PACRG: variants seen among roughly 807,000 people sequenced by gnomAD.
PACRG encodes parkin coregulated.
PACRG carries 29 observed loss-of-function variants against 29.7 expected under a neutral mutation model. The ratio of observed to expected loss-of-function variants is 0.98; its 90% CI spans 0.73 to 1.33. The LOEUF is 1.33. PACRG is among the 40% of genes most tolerant of loss of function. PACRG has a pLI of 0.00. For synonymous variants in PACRG, 116 were observed against 118.7 expected, an observed-to-expected ratio of 0.98 and a Z score of 0.15; for missense variants, 279 against 316.2, an observed-to-expected ratio of 0.88 and a Z score of 0.89.
At chr6:162,875,122 TAGTC>T (rs370758293) in intron 2 of PACRG, among the ~76,000 whole-genome samples, 5 of 151,996 alleles carry the variant, frequency 3.3e-5, no homozygotes, top group African/African-American at 1.2e-4. Flanking sequence ...CACACATACA[TAGTC>T]ATGCACATTC....
At chr6:162,975,893 T>G (rs1801913020) in intron 2 of PACRG, among the ~76,000 whole-genome samples, 1 of 151,948 alleles carries the variant, frequency 6.6e-6, no homozygotes, top group Non-Finnish European at 1.5e-5. Context: ...TACCGAGTAC[T>G]GCACTGTAAA....
chr6:163,207,788 C>T (rs1780967390), intron 4 of PACRG, among the ~76,000 whole-genome samples: 1 of 152,134 alleles, frequency 6.6e-6, no homozygotes, highest in Non-Finnish European at 1.5e-5. Context: ...ATAAGTGTCT[C>T]TTATAATGAA....
At chr6:163,166,279 A>G in intron 4 of PACRG, 1 of 424,168 alleles carries the variant, frequency 2.4e-6, no homozygotes, top group South Asian at 1.6e-5. Context: ...AACAACAACA[A>G]CAAAAAAATG....
chr6:163,054,479 A>G (rs1044388236), intron 2 of PACRG, among the ~76,000 whole-genome samples: 8 of 152,144 alleles, frequency 5.3e-5, no homozygotes, highest in Admixed American at 2.0e-4. Flanking sequence ...TGTCCATGGT[A>G]TTTTGTTAAG....
At chr6:162,934,577 A>G (rs1040996359) in intron 2 of PACRG, among the ~76,000 whole-genome samples, 2 of 152,064 alleles carry the variant, frequency 1.3e-5, no homozygotes, top group Non-Finnish European at 2.9e-5. Flanking sequence ...TTAGGTGGGG[A>G]ATTTAAACCC....
At chr6:162,920,145 A>G (rs1409187045) in intron 2 of PACRG, among the ~76,000 whole-genome samples, 1 of 147,860 alleles carries the variant, frequency 6.8e-6, no homozygotes, top group African/African-American at 2.6e-5. Flanking sequence ...AGCTAATGGG[A>G]GGAGGAAAGG....
intron 2 of PACRG, among the ~76,000 whole-genome samples, chr6:162,948,988 A>G (rs1054307385): frequency 1.3e-5 from 2 of 152,190 alleles, no homozygotes; most frequent in Non-Finnish European, 2.9e-5. Context: ...ATGATATGGC[A>G]ATTTTACTAC....
intron 4 of PACRG, among the ~76,000 whole-genome samples, chr6:163,108,943 A>G (rs1338978690): frequency 1.3e-5 from 2 of 152,224 alleles, no homozygotes; most frequent in Non-Finnish European, 2.9e-5. Flanking sequence ...ACAAAAGCCC[A>G]TAAAGTCGCT....
At chr6:162,908,620 C>G (rs1382426117) in intron 2 of PACRG, among the ~76,000 whole-genome samples, 1 of 152,246 alleles carries the variant, frequency 6.6e-6, no homozygotes, top group East Asian at 1.9e-4. Context: ...GGTTCTGTAA[C>G]CACAGTAGAG....
At chr6:162,786,381 T>G (rs553338691) in intron 1 of PACRG, among the ~76,000 whole-genome samples, 220 of 152,354 alleles carry the variant, frequency 1.4e-3, no homozygotes, top group African/African-American at 4.9e-3. Context: ...AATACACAGC[T>G]AGACTACATT....
intron 4 of PACRG, among the ~76,000 whole-genome samples, chr6:163,240,881 C>G (rs926301264): frequency 1.3e-5 from 2 of 152,200 alleles, no homozygotes; most frequent in African/African-American, 2.4e-5. Context: ...CCTCCTCGCC[C>G]GTAGCAAGGG....
chr6:163,244,606 C>T (rs962383469), intron 4 of PACRG, among the ~76,000 whole-genome samples: 2 of 152,154 alleles, frequency 1.3e-5, no homozygotes, highest in Admixed American at 6.5e-5. Flanking sequence ...TGAACTCAAG[C>T]CCCGGAGATC....
At position 163,139,907 on chromosome 6, in the gene PACRG, C is replaced by T. The variant is rs183477306; in HGVS notation, c.613+50499C>T. On this transcript the variant is annotated intron_variant, in intron 4 of 4. Coordinates refer to ENST00000366888, the MANE Select transcript of PACRG (RefSeq NM_001080379.2). ...TCAACTGAATGTTCTTGCTTCTCCC[C>T]TTTGTGTCTTTATTCTTTGTTGCTC... 6.0e-4 allele frequency among the ~76,000 whole-genome samples: 91 copies of T among 152,268 alleles called. 1 individual carries two copies. The East Asian group carries it at 0.013, about 22-fold the overall frequency.
chr6:163,080,719 T>G (rs1812998044), intron 3 of PACRG, among the ~76,000 whole-genome samples: 1 of 152,224 alleles, frequency 6.6e-6, no homozygotes, highest in Non-Finnish European at 1.5e-5. Flanking sequence ...TGAAAGAATA[T>G]ATTTTGATCT....
chr6:163,012,026 G>A (rs1440861213), intron 2 of PACRG, among the ~76,000 whole-genome samples: 1 of 151,998 alleles, frequency 6.6e-6, no homozygotes, highest in Non-Finnish European at 1.5e-5. Flanking sequence ...CACACTAACT[G>A]AGCTCCTGTC....
At chr6:162,849,669 CAG>C (rs1360014073) in intron 2 of PACRG, among the ~76,000 whole-genome samples, 4 of 152,172 alleles carry the variant, frequency 2.6e-5, no homozygotes, top group Non-Finnish European at 5.9e-5. Context: ...TCTAAAAGTA[CAG>C]AGATTATTGA....
intron 1 of PACRG, among the ~76,000 whole-genome samples, chr6:162,731,608 C>T (rs573417469): frequency 4.4e-4 from 67 of 152,054 alleles, no homozygotes; most frequent in African/African-American, 1.6e-3. Flanking sequence ...AACAATTCCT[C>T]ATGGAGACTG....
chr6:163,254,111 A>G (rs1463380915), intron 4 of PACRG, among the ~76,000 whole-genome samples: 1 of 152,256 alleles, frequency 6.6e-6, no homozygotes, highest in Non-Finnish European at 1.5e-5. Flanking sequence ...TCGGGACAGC[A>G]GCAATTTCAA....
chr6:162,832,634 C>A (rs1159389722), intron 2 of PACRG, among the ~76,000 whole-genome samples: 1 of 152,036 alleles, frequency 6.6e-6, no homozygotes, highest in Admixed American at 6.6e-5. Context: ...AGAGTGGGAA[C>A]AATGTAGCTC....
Sources: allele counts gnomAD v4.1 joint callset (sites outside exome capture counted in the v4.1 genomes callset), GRCh38; gene constraint gnomAD v4.1.1; transcripts MANE v1.5; gene names NCBI Gene and HGNC (gene_info 2026-07-23, HGNC 2026-07-21).